Variants in NSG1 observed in about 807,000 individuals in gnomAD.
NSG1 encodes neuronal vesicle trafficking associated 1, also known as neuronal vesicle trafficking-associated protein 1.
A neutral mutation model predicts 19.3 loss-of-function variants in NSG1; 9 were observed. The observed-to-expected ratio is 0.47, with a 90% CI of 0.28 to 0.81. The LOEUF (loss-of-function observed/expected upper bound fraction) is 0.81. Among genes scored for constraint, NSG1 ranks in the 40% least tolerant of loss-of-function variants. The probability of loss-of-function intolerance (pLI) is 0.11; values close to 1 mark genes in which losing one functional copy is unlikely to be tolerated. For synonymous variants in NSG1, 104 were observed against 107.0 expected, an observed-to-expected ratio of 0.97 and a Z score of 0.17; for missense variants, 236 against 242.4, an observed-to-expected ratio of 0.97 and a Z score of 0.18.
chr4:4,389,584 T>C (rs7686373), intron 2 of NSG1, among the ~76,000 whole-genome samples: 107,920 of 152,062 alleles, frequency 0.71, 38,735 homozygotes, highest in African/African-American at 0.8. Flanking sequence ...CTTACTCCAC[T>C]GTGCTTGGAG....
At chr4:4,406,970 T>C (rs1211636816) in intron 3 of NSG1, among the ~76,000 whole-genome samples, 1 of 152,198 alleles carries the variant, frequency 6.6e-6, no homozygotes, top group East Asian at 1.9e-4. Flanking sequence ...TCATCACAGC[T>C]CTGCGCTCTG....
upstream of NSG1, chr4:4,386,846 C>T (rs998532195): frequency 6.6e-6 from 1 of 152,194 alleles, no homozygotes; most frequent in Non-Finnish European, 1.5e-5. Flanking sequence ...CGCGTCCTCT[C>T]CCGCTCCCCT....
At chr4:4,413,644 G>A (rs1724352313) in intron 4 of NSG1, among the ~76,000 whole-genome samples, 1 of 151,764 alleles carries the variant, frequency 6.6e-6, no homozygotes, top group African/African-American at 2.4e-5. Context: ...ACAGGCACAG[G>A]GAGGCGGCAG....
At chr4:4,392,636 C>T (rs992446761) in intron 3 of NSG1, among the ~76,000 whole-genome samples, 14 of 152,206 alleles carry the variant, frequency 9.2e-5, no homozygotes, top group Non-Finnish European at 1.6e-4. Flanking sequence ...GAAGCCAGGG[C>T]GTAATCTGAC....
chr4:4,387,364 G>C (rs1325273286), intron 1 of NSG1, among the ~76,000 whole-genome samples, 191 bp downstream of exon 1: 2 of 152,178 alleles, frequency 1.3e-5, no homozygotes, highest in African/African-American at 4.8e-5. Flanking sequence ...CCCTTCCCTG[G>C]CCGCGGTGCG....
chr4:4,412,160 G>A (rs1211303508), intron 4 of NSG1, among the ~76,000 whole-genome samples: 1 of 152,230 alleles, frequency 6.6e-6, no homozygotes, highest in African/African-American at 2.4e-5. Context: ...TGACCCAAAT[G>A]CTGTTATGCC....
Position 4,418,517 on chromosome 4 carries a change from A to T in NSG1, c.*1082A>T, listed in dbSNP as rs1724716800. On this transcript the variant is annotated 3_prime_UTR_variant, in exon 5 of 5. Coordinates refer to ENST00000621129, the MANE Select transcript of NSG1 (RefSeq NM_014392.5). ...TTGTAAGAAAATTGTTCCAGTTTGA[A>T]TCTTGATATTAAAGTTTATGTTTAC... 6.5e-6 allele frequency: 1 copy of T among 152,680 alleles called. No homozygotes were observed. The highest frequency in any genetic ancestry group is 6.5e-5 in the Admixed American group (1 of 15,280). The allele number at this position is 152,680 out of a possible 1,614,324, so 9.5% of individuals were successfully genotyped here. A position where few individuals can be genotyped will look rare whatever the true frequency, so the allele number is the denominator to read the frequency against.
chr4:4,387,561 C>CCGGGGGGGGGGGGGGG, intron 1 of NSG1, 43 bp from the exon 2 acceptor site: 68 of 1,141,912 alleles, frequency 6.0e-5, no homozygotes, highest in East Asian at 1.9e-4. Context: ...CGCCCCGCCC[C>CCGGGGGGGGGGGGGGG]GGGTCTTGCT....
chr4:4,397,837 C>A (rs35947168), intron 3 of NSG1, among the ~76,000 whole-genome samples: 8,463 of 152,308 alleles, frequency 0.056, 297 homozygotes, highest in African/African-American at 0.096. Context: ...CCAGAAAACA[C>A]TCCTCAGGTC....
At chr4:4,407,528 G>A (rs891151485) in intron 3 of NSG1, among the ~76,000 whole-genome samples, 1 of 152,146 alleles carries the variant, frequency 6.6e-6, no homozygotes, top group African/African-American at 2.4e-5. Context: ...CAATGAATCT[G>A]GCAGCACAAT....
intron 2 of NSG1, 147 bp downstream of exon 2, chr4:4,387,905 G>T (rs1722818512): frequency 7.3e-6 from 5 of 681,316 alleles, no homozygotes; most frequent in Non-Finnish European, 1.3e-5. Flanking sequence ...CGAGGACAGT[G>T]TACCCGCGCG....
intron 2 of NSG1, among the ~76,000 whole-genome samples, chr4:4,390,529 G>C (rs1211085128): frequency 2.0e-5 from 3 of 152,226 alleles, no homozygotes; most frequent in African/African-American, 7.2e-5. Flanking sequence ...GCAGGTGACG[G>C]ACTGCCCAAT....
rs187430923 is a variant in NSG1, at chr4:4,411,127, A to C, written c.357+1444A>C. Among the ~76,000 whole-genome samples, 54 of 152,290 alleles carry C rather than the reference A, an allele frequency of 3.5e-4. No individual in the cohort carries two copies. The East Asian group carries it at 8.7e-3, about 25-fold the overall frequency. On this transcript the variant is annotated intron_variant, in intron 4 of 4. Transcript: ENST00000621129. ...CACCTCGGCCTCCCAAAGTGCTGAG[A>C]TTACAGGCGTGAGCCACCACACTCA... is the stretch of plus-strand genomic sequence containing the variant.
In NSG1 at chr4:4,415,915, C is replaced by G. The variant is rs59422242; in HGVS notation, c.358-1320C>G. On this transcript the variant is annotated intron_variant, in intron 4 of 4. Transcript: ENST00000621129. Reference sequence around the variant, plus strand: ...CCTGCAGAGCCTCCTTCCTGATGCACGCGCTGCTGGTCTGAATGGGCTGTT... The same window carrying G: ...CCTGCAGAGCCTCCTTCCTGATGCAGGCGCTGCTGGTCTGAATGGGCTGTT... 1.0e-4 allele frequency: 58 copies of G among 579,444 alleles called. 1 individual carries two copies. The South Asian group carries it at 1.1e-3, about 11-fold the overall frequency. The allele number at this position is 579,444 out of a possible 1,614,324, so 35.9% of individuals were successfully genotyped here.
chr4:4,398,597 T>G (rs769528903), intron 3 of NSG1, among the ~76,000 whole-genome samples: 17 of 152,276 alleles, frequency 1.1e-4, no homozygotes, highest in Non-Finnish European at 2.2e-4. Context: ...AAAGCTCAGC[T>G]ACGTTGTAGC....
chr4:4,396,638 T>G (rs927646634), intron 3 of NSG1, among the ~76,000 whole-genome samples: 1 of 151,508 alleles, frequency 6.6e-6, no homozygotes, highest in African/African-American at 2.4e-5. Flanking sequence ...TGTGGGTGGT[T>G]TGTGTCTTTT....
At chr4:4,396,985 C>T (rs1230758274) in intron 3 of NSG1, among the ~76,000 whole-genome samples, 10 of 151,606 alleles carry the variant, frequency 6.6e-5, no homozygotes, top group African/African-American at 2.2e-4. Context: ...CTTCCCCAGG[C>T]TAGCTGTAGT....
intron 3 of NSG1, among the ~76,000 whole-genome samples, chr4:4,402,378 T>G (rs1577287295): frequency 6.8e-5 from 1 of 14,798 alleles, no homozygotes; most frequent in Non-Finnish European, 1.3e-4. Context: ...GTTATTTTTT[T>G]TTTTTTTTTT....
At chr4:4,387,834 C>G in intron 2 of NSG1, 76 bp downstream of exon 2, 2 of 1,244,582 alleles carry the variant, frequency 1.6e-6, no homozygotes, top group Non-Finnish European at 2.3e-6. Flanking sequence ...ACAAAAGAAA[C>G]GCGCCGCGTG....
Sources: gnomAD v4.1 joint callset for allele counts (sites outside exome capture counted in the v4.1 genomes callset) on GRCh38, gnomAD v4.1.1 for gene constraint, MANE v1.5 for transcripts, NCBI Gene and HGNC (gene_info 2026-07-23, HGNC 2026-07-21) for gene names.